Variants in NFIA observed in about 807,000 individuals in gnomAD.
NFIA encodes the protein nuclear factor 1 A-type.
NFIA carries 8 observed loss-of-function variants against 62.8 expected under a neutral mutation model. That is an observed-to-expected ratio of 0.13 (90% CI 0.07 to 0.23). The LOEUF (loss-of-function observed/expected upper bound fraction) is 0.23, where lower values mean the gene tolerates loss of function less well. Among genes scored for constraint, NFIA ranks in the 10% least tolerant of loss-of-function variants. NFIA has a pLI of 1.00. For synonymous variants in NFIA, 235 were observed against 238.1 expected (o/e 0.99, Z 0.12); for missense variants, 410 against 642.1 (o/e 0.64, Z 3.91).
At chr1:61,222,354 T>C (rs540445678) in intron 2 of NFIA, among the ~76,000 whole-genome samples, 4 of 152,256 alleles carry the variant, frequency 2.6e-5, no homozygotes, top group South Asian at 4.1e-4. Context: ...GTTTAGAGTC[T>C]TGCAGTTGGG....
chr1:61,212,360 A>T (rs942783121), intron 2 of NFIA, among the ~76,000 whole-genome samples: 17 of 152,180 alleles, frequency 1.1e-4, no homozygotes, highest in Non-Finnish European at 2.2e-4. Context: ...ATCTATAAGG[A>T]TATTTTAGAT....
chr1:61,186,773 A>G (rs1284436104), intron 2 of NFIA, among the ~76,000 whole-genome samples: 2 of 152,234 alleles, frequency 1.3e-5, no homozygotes, highest in Non-Finnish European at 2.9e-5. Context: ...TGTTTTACAT[A>G]TATTCTCTCA....
intron 2 of NFIA, among the ~76,000 whole-genome samples, chr1:61,123,744 G>A (rs1308326966): frequency 6.6e-6 from 1 of 152,172 alleles, no homozygotes; most frequent in African/African-American, 2.4e-5. Context: ...AGGAATATTA[G>A]CCTTAACCTC....
intron 2 of NFIA, among the ~76,000 whole-genome samples, chr1:61,191,519 C>T (rs1047991092): frequency 7.9e-5 from 12 of 152,150 alleles, no homozygotes; most frequent in African/African-American, 2.9e-4. Flanking sequence ...AGCTTCCTCC[C>T]ATTACAGGCA....
intron 3 of NFIA, among the ~76,000 whole-genome samples, chr1:61,280,657 C>T (rs922504460): frequency 2.0e-5 from 3 of 152,136 alleles, no homozygotes; most frequent in Non-Finnish European, 4.4e-5. Flanking sequence ...CTTCCCTGTC[C>T]AACTAGTCTG....
chr1:61,405,981 T>C (rs1339066927), intron 8 of NFIA, among the ~76,000 whole-genome samples: 1 of 152,198 alleles, frequency 6.6e-6, no homozygotes, highest in Non-Finnish European at 1.5e-5. Context: ...TTATACAATA[T>C]GTGAACAAAA....
At chr1:61,160,189 G>A (rs1649095042) in intron 2 of NFIA, among the ~76,000 whole-genome samples, 1 of 152,036 alleles carries the variant, frequency 6.6e-6, no homozygotes, top group African/African-American at 2.4e-5. Flanking sequence ...ATCTCCCCTG[G>A]TCCCCTGTTG....
chr1:61,095,730 A>G (rs1293219100), intron 2 of NFIA, among the ~76,000 whole-genome samples: 1 of 152,176 alleles, frequency 6.6e-6, no homozygotes, highest in Admixed American at 6.5e-5. Context: ...TAGTGAATAG[A>G]AGCATTATGA....
intron 2 of NFIA, among the ~76,000 whole-genome samples, chr1:61,228,142 G>GT (rs934557409): frequency 2.6e-5 from 4 of 151,998 alleles, no homozygotes; most frequent in Admixed American, 6.6e-5. Flanking sequence ...ATTTCTGAAG[G>GT]TTTTTTTAAA....
chr1:61,385,212 G>A (rs1664616816), intron 7 of NFIA, among the ~76,000 whole-genome samples: 1 of 151,512 alleles, frequency 6.6e-6, no homozygotes, highest in African/African-American at 2.4e-5. Context: ...ACTCCAGCCT[G>A]GGCAACAGAG....
chr1:61,127,830 C>T (rs1046759597), intron 2 of NFIA, among the ~76,000 whole-genome samples: 2 of 152,028 alleles, frequency 1.3e-5, no homozygotes, highest in Non-Finnish European at 2.9e-5. Flanking sequence ...GATTATAAGC[C>T]CAGGATTGTT....
At chr1:61,325,932 C>CTA (rs1660911915) in intron 3 of NFIA, among the ~76,000 whole-genome samples, 1 of 87,910 alleles carries the variant, frequency 1.1e-5, no homozygotes. Context: ...GACTCTGTCT[C>CTA]AAAAAAAAAA....
intron 2 of NFIA, among the ~76,000 whole-genome samples, chr1:61,277,282 G>A (rs1657859206): frequency 6.6e-6 from 1 of 152,222 alleles, no homozygotes; most frequent in Admixed American, 6.5e-5. Context: ...TCTGGCAAAA[G>A]CCAATGCCAC....
intron 2 of NFIA, among the ~76,000 whole-genome samples, chr1:61,264,127 T>C (rs1656954971): frequency 6.6e-6 from 1 of 152,170 alleles, no homozygotes; most frequent in African/African-American, 2.4e-5. Flanking sequence ...GGCCCTGACA[T>C]AAACAAGCTT....
intron 2 of NFIA, among the ~76,000 whole-genome samples, chr1:61,246,558 A>G (rs567277993): frequency 6.6e-6 from 1 of 152,148 alleles, no homozygotes; most frequent in African/African-American, 2.4e-5. Context: ...CTTCTGAAAA[A>G]TGAAGGGATT....
At chr1:61,083,944 C>T (rs11207694) in intron 1 of NFIA, among the ~76,000 whole-genome samples, 12,678 of 152,048 alleles carry the variant, frequency 0.083, 602 homozygotes, top group Non-Finnish European at 0.1. Flanking sequence ...CAAAATATTG[C>T]TACTTCGAGA....
chr1:61,242,775 T>A (rs1428004783), intron 2 of NFIA, among the ~76,000 whole-genome samples: 2 of 152,182 alleles, frequency 1.3e-5, no homozygotes, highest in Non-Finnish European at 2.9e-5. Context: ...ATTTAATGCT[T>A]AAGTAGCTGT....
intron 7 of NFIA, among the ~76,000 whole-genome samples, chr1:61,401,315 C>T (rs1372396057): frequency 1.3e-5 from 2 of 152,050 alleles, no homozygotes; most frequent in Non-Finnish European, 2.9e-5. Flanking sequence ...ACCATATGTT[C>T]TTGTGTTTGT....
intron 10 of NFIA, among the ~76,000 whole-genome samples, chr1:61,444,169 T>G (rs1290266007): frequency 6.6e-6 from 1 of 152,206 alleles, no homozygotes; most frequent in Non-Finnish European, 1.5e-5. Flanking sequence ...TGAAACTCAT[T>G]GCACAGAAAT....
Sources: gnomAD v4.1 joint callset for allele counts (sites outside exome capture counted in the v4.1 genomes callset) on GRCh38, gnomAD v4.1.1 for gene constraint, MANE v1.5 for transcripts, NCBI Gene and HGNC (gene_info 2026-07-23, HGNC 2026-07-21) for gene names.